The following LRP1B variants were observed in gnomAD, a reference collection of about 807,000 sequenced individuals.
LRP1B encodes low-density lipoprotein receptor-related protein 1B.
A neutral mutation model predicts 556.6 loss-of-function variants in LRP1B; 217 were observed. The observed-to-expected ratio is 0.39, with a 90% CI of 0.35 to 0.44. LRP1B has a LOEUF of 0.44. Ranked by LOEUF, LRP1B falls within the 20% of genes least tolerant of loss-of-function variation. LRP1B has a pLI of 1.00. For synonymous variants in LRP1B, 2,047 were observed against 1,865.8 expected (o/e 1.10, Z -2.50); for missense variants, 5,053 against 5,620.8 (o/e 0.90, Z 3.23).
intron 1 of LRP1B, among the ~76,000 whole-genome samples, chr2:142,088,867 C>T (rs984776112): frequency 4.7e-5 from 7 of 149,688 alleles, no homozygotes; most frequent in African/African-American, 1.2e-4. Flanking sequence ...CCCAGCTACT[C>T]GGGAGGCTGA....
chr2:142,103,388 A>G (rs1240522606), intron 1 of LRP1B, among the ~76,000 whole-genome samples: 2 of 151,954 alleles, frequency 1.3e-5, no homozygotes, highest in African/African-American at 4.8e-5. Flanking sequence ...CTTTGAATAT[A>G]AAAGCTACTG....
At chr2:142,071,070 C>T (rs1376535181) in intron 1 of LRP1B, among the ~76,000 whole-genome samples, 2 of 151,760 alleles carry the variant, frequency 1.3e-5, no homozygotes, top group Non-Finnish European at 2.9e-5. Flanking sequence ...CATCTGAACT[C>T]ATGTTGTGGG....
chr2:141,170,663 T>G (rs112822303), intron 7 of LRP1B, among the ~76,000 whole-genome samples: 13 of 152,174 alleles, frequency 8.5e-5, no homozygotes, highest in African/African-American at 2.9e-4. Context: ...CCTTTTAAGG[T>G]ATGCATTCAG....
At chr2:140,653,385 A>G (rs564541370) in intron 41 of LRP1B, among the ~76,000 whole-genome samples, 38 of 152,118 alleles carry the variant, frequency 2.5e-4, no homozygotes, top group Non-Finnish European at 4.9e-4. Context: ...AGTGATAAGT[A>G]CTATAAGCAA....
chr2:140,711,795 A>G (rs569819230), intron 37 of LRP1B, among the ~76,000 whole-genome samples: 1 of 152,260 alleles, frequency 6.6e-6, no homozygotes, highest in Non-Finnish European at 1.5e-5. Context: ...AATTTCATCA[A>G]TTTAACCTCT....
At chr2:141,900,627 C>G (rs1384303447) in intron 1 of LRP1B, among the ~76,000 whole-genome samples, 2 of 151,930 alleles carry the variant, frequency 1.3e-5, no homozygotes, top group African/African-American at 4.8e-5. Flanking sequence ...ATGATCATTT[C>G]TATTCTTTTA....
At chr2:141,747,616 C>T (rs1366519613) in intron 2 of LRP1B, among the ~76,000 whole-genome samples, 1 of 151,930 alleles carries the variant, frequency 6.6e-6, no homozygotes, top group Non-Finnish European at 1.5e-5. Flanking sequence ...GGTGACAGAG[C>T]GAGACTCTAA....
chr2:141,168,586 TACA>T (rs1558906922), intron 7 of LRP1B, among the ~76,000 whole-genome samples: 2 of 152,062 alleles, frequency 1.3e-5, no homozygotes, highest in Admixed American at 6.6e-5. Flanking sequence ...GAAAAATAAT[TACA>T]ACAACAGTAA....
chr2:141,020,957 T>C (rs1698048186), intron 11 of LRP1B, among the ~76,000 whole-genome samples: 2 of 152,014 alleles, frequency 1.3e-5, no homozygotes, highest in East Asian at 1.9e-4. Flanking sequence ...TGAGTTTCTG[T>C]AGCATCCTGT....
chr2:140,437,684 T>C (rs950097627), intron 66 of LRP1B, among the ~76,000 whole-genome samples: 1 of 152,240 alleles, frequency 6.6e-6, no homozygotes, highest in African/African-American at 2.4e-5. Context: ...AATGGAAGTA[T>C]ATTTACAAAG....
intron 68 of LRP1B, among the ~76,000 whole-genome samples, chr2:140,374,988 C>A (rs1418739108): frequency 6.6e-6 from 1 of 151,948 alleles, no homozygotes; most frequent in African/African-American, 2.4e-5. Context: ...TCTCGTTCTT[C>A]AGTTTTTTTA....
At chr2:141,343,288 G>A (rs1357024) in intron 3 of LRP1B, among the ~76,000 whole-genome samples, 92,212 of 152,016 alleles carry the variant, frequency 0.61, 28,864 homozygotes, top group African/African-American at 0.69. Flanking sequence ...AACATACCCA[G>A]TCTTTCCTGT....
chr2:141,912,637 A>G (rs528819619), intron 1 of LRP1B, among the ~76,000 whole-genome samples: 4 of 152,070 alleles, frequency 2.6e-5, no homozygotes, highest in Non-Finnish European at 4.4e-5. Flanking sequence ...TGGTATATTG[A>G]CTATTTTGAG....
At chr2:140,438,491 A>G (rs1686287896) in intron 66 of LRP1B, among the ~76,000 whole-genome samples, 1 of 152,236 alleles carries the variant, frequency 6.6e-6, no homozygotes, top group Non-Finnish European at 1.5e-5. Context: ...ATGTAAGCTT[A>G]TAACTGTAGC....
chr2:141,105,998 G>A (rs749579873), intron 7 of LRP1B, among the ~76,000 whole-genome samples: 11 of 152,054 alleles, frequency 7.2e-5, no homozygotes, highest in African/African-American at 1.2e-4. Context: ...GCCAAACTCT[G>A]CCAGCTGCTC....
intron 68 of LRP1B, among the ~76,000 whole-genome samples, chr2:140,373,481 A>C (rs1283880305): frequency 6.6e-6 from 1 of 152,152 alleles, no homozygotes; most frequent in Non-Finnish European, 1.5e-5. Flanking sequence ...ATAATAAAAC[A>C]AAAAACGGAT....
intron 63 of LRP1B, among the ~76,000 whole-genome samples, chr2:140,446,774 T>C (rs1320600132): frequency 2.6e-5 from 4 of 151,868 alleles, no homozygotes; most frequent in African/African-American, 4.8e-5. Flanking sequence ...GGGTAAAAAC[T>C]GTTTGGATAT....
At chr2:141,735,322 A>G (rs1161627939) in intron 2 of LRP1B, among the ~76,000 whole-genome samples, 1 of 151,916 alleles carries the variant, frequency 6.6e-6, no homozygotes, top group Non-Finnish European at 1.5e-5. Context: ...AGAGGTCAGC[A>G]TGGAGAAATC....
intron 41 of LRP1B, among the ~76,000 whole-genome samples, chr2:140,609,201 C>T (rs1682980972): frequency 6.6e-6 from 1 of 152,060 alleles, no homozygotes; most frequent in Non-Finnish European, 1.5e-5. Context: ...GCTGTGAGAC[C>T]CTATATGTAC....
Sources: gnomAD v4.1 joint callset for allele counts (sites outside exome capture counted in the v4.1 genomes callset) on GRCh38, gnomAD v4.1.1 for gene constraint, MANE v1.5 for transcripts, NCBI Gene and HGNC (gene_info 2026-07-23, HGNC 2026-07-21) for gene names.